Variants in BMP7 observed in about 807,000 individuals in gnomAD.
The protein encoded by BMP7 is bone morphogenetic protein 7, also known as osteogenic protein 1.
A neutral mutation model predicts 41.2 loss-of-function variants in BMP7; 12 were observed. The observed-to-expected ratio is 0.29, with a 90% confidence interval of 0.19 to 0.47. The LOEUF is 0.47. Among genes scored for constraint, BMP7 ranks in the 20% least tolerant of loss-of-function variants. BMP7 has a pLI of 0.99. For missense variants in BMP7, 467 were observed against 606.0 expected (o/e 0.77, Z 2.41); for synonymous variants, 248 against 250.0 (o/e 0.99, Z 0.07).
At chr20:57,220,081 C>T (rs1296027848) in intron 2 of BMP7, among the ~76,000 whole-genome samples, 1 of 152,198 alleles carries the variant, frequency 6.6e-6, no homozygotes, top group Non-Finnish European at 1.5e-5. Flanking sequence ...AATGCAAGAC[C>T]AGGTGTCAGC....
At chr20:57,252,167 T>G (rs982835416) in intron 1 of BMP7, among the ~76,000 whole-genome samples, 2 of 152,210 alleles carry the variant, frequency 1.3e-5, no homozygotes, top group Non-Finnish European at 2.9e-5. Context: ...CAATAAAACT[T>G]TATTTACAGA....
At chr20:57,256,416 C>T (rs562254612) in intron 1 of BMP7, among the ~76,000 whole-genome samples, 9 of 151,696 alleles carry the variant, frequency 5.9e-5, no homozygotes, top group South Asian at 2.1e-4. Context: ...ATTTCCTGGA[C>T]GCTCTCTGGT....
At position 57,169,015 on chromosome 20, in the gene BMP7, AG is replaced by A. The variant is rs1228138094; in HGVS notation, c.*1943del. 1 of 152,182 alleles carries A rather than the reference AG, an allele frequency of 6.6e-6. No individual in the cohort carries two copies. The highest frequency in any genetic ancestry group is 1.5e-5 in the Non-Finnish European group (1 of 68,042). 9.4% of individuals were successfully genotyped at this position (152,182 alleles called of 1,614,324 possible). A position where few individuals can be genotyped will look rare whatever the true frequency, so the allele number is the denominator to read the frequency against. ...TCTTTGCTTTGTAACAACTATTTAC[AG>A]GTTTAAATGTACAAATGATGCTAAC... On this transcript the variant is annotated 3_prime_UTR_variant, in exon 7 of 7. Transcript: ENST00000395863.
Position 57,193,175 on chromosome 20 carries a change from C to T in BMP7, c.761-9256G>A, listed in dbSNP as rs77026047. On this transcript the variant is annotated intron_variant, in intron 3 of 6. Coordinates refer to ENST00000395863, the MANE Select transcript of BMP7 (RefSeq NM_001719.3). ...GTATGCCCATCTGTAAGCACTAGCG[C>T]GTGTACAGACGCCGGTACCCAGCTT... Among the ~76,000 whole-genome samples, 50 of 152,300 alleles carry T rather than the reference C, an allele frequency of 3.3e-4. No homozygotes were observed. In the East Asian group the frequency reaches 9.4e-3, roughly 29 times the overall value.
intron 2 of BMP7, among the ~76,000 whole-genome samples, chr20:57,222,940 T>C (rs913200027): frequency 6.8e-4 from 102 of 150,532 alleles, no homozygotes; most frequent in African/African-American, 2.3e-3. Flanking sequence ...AGACTGACAA[T>C]TGTGGTCTGG....
chr20:57,223,085 C>A (rs1985227640), intron 2 of BMP7, among the ~76,000 whole-genome samples: 1 of 151,970 alleles, frequency 6.6e-6, no homozygotes, highest in Non-Finnish European at 1.5e-5. Context: ...AAAAAATCAG[C>A]CAGGCATGGT....
At position 57,213,013 on chromosome 20, in the gene BMP7, C is replaced by T. The variant is rs774506958; in HGVS notation, c.612-10390G>A. ...TTTTAAAAATACACTTTCTTGAAGA[C>T]GGTGCATATCCAGGAAGGCTAAAAT... is the stretch of plus-strand genomic sequence containing the variant. On this transcript the variant is annotated intron_variant, in intron 2 of 6. Coordinates refer to ENST00000395863, the MANE Select transcript of BMP7 (RefSeq NM_001719.3). This position sits in a 1 kb window ranked among gnomAD's most constrained non-coding sequence, Gnocchi z 4.4. Among the ~76,000 whole-genome samples the T allele has an allele frequency of 2.6e-5, 4 of 152,236 alleles. No homozygotes were observed. Among genetic ancestry groups the T allele is most frequent in the Non-Finnish European group, 5.9e-5 (4 of 68,042 alleles).
chr20:57,265,663 G>A, intron 1 of BMP7, 42 bp downstream of exon 1: 1 of 1,567,816 alleles, frequency 6.4e-7, no homozygotes, highest in Non-Finnish European at 8.6e-7. Flanking sequence ...GTCTCAAAGT[G>A]CCCCCGAAAG....
intron 1 of BMP7, among the ~76,000 whole-genome samples, chr20:57,263,742 A>G (rs2066162475): frequency 6.6e-6 from 1 of 152,158 alleles, no homozygotes; most frequent in Non-Finnish European, 1.5e-5. Flanking sequence ...CTCTGCGTTC[A>G]TTATTTATAT....
At chr20:57,263,190 A>G (rs561702318) in intron 1 of BMP7, among the ~76,000 whole-genome samples, 60 of 152,358 alleles carry the variant, frequency 3.9e-4, no homozygotes, top group Non-Finnish European at 7.8e-4. Flanking sequence ...CCACTCTGCC[A>G]TCTAATTTGG....
chr20:57,244,218 C>T (rs909983609), intron 1 of BMP7, among the ~76,000 whole-genome samples: 1 of 152,156 alleles, frequency 6.6e-6, no homozygotes, highest in Admixed American at 6.5e-5. Context: ...CTAACACATG[C>T]CCAGGTGATG....
At chr20:57,181,481 G>A (rs6099487) in intron 4 of BMP7, among the ~76,000 whole-genome samples, 6,052 of 143,180 alleles carry the variant, frequency 0.042, 401 homozygotes, top group African/African-American at 0.15. Context: ...GGGCAATGGC[G>A]TGAGACCCTG....
chr20:57,265,157 C>A (rs2066170898), intron 1 of BMP7, among the ~76,000 whole-genome samples: 1 of 152,252 alleles, frequency 6.6e-6, no homozygotes, highest in Admixed American at 6.5e-5. Context: ...GAGAATGGGG[C>A]ATCCGGCGGC....
intron 1 of BMP7, among the ~76,000 whole-genome samples, chr20:57,245,950 T>C (rs2066089252): frequency 6.6e-6 from 1 of 152,236 alleles, no homozygotes; most frequent in African/African-American, 2.4e-5. Context: ...GGTTAGTGAT[T>C]TAACAGTATT....
rs1257367220 is a variant in BMP7 at position 57,174,940 on chromosome 20, C to A, written c.1026G>T (p.Leu342=). Residue 342 remains leucine (L), a synonymous_variant, in exon 5 of 7, where the codon CTG becomes CTT. Coordinates refer to ENST00000395863, the MANE Select transcript of BMP7 (RefSeq NM_001719.3). The surrounding 1 kb of genome is among the most constrained non-coding windows in gnomAD (Gnocchi z 4.3). The stretch of plus-strand genomic sequence containing the variant: ...CCAGCCAGCCCCTTACCTGCCAGCC[C>A]AGGTCTCGGAAGCTGACATACAGCT... ...KHELYVSFRD[L]GWQDWIIAPE... The A allele has an allele frequency of 2.5e-6, 4 of 1,611,600 alleles. No individual in the cohort carries two copies. The Admixed American group carries it at 5.0e-5, about 20-fold the overall frequency.
At chr20:57,216,632 G>T (rs954134966) in intron 2 of BMP7, among the ~76,000 whole-genome samples, 1 of 151,270 alleles carries the variant, frequency 6.6e-6, no homozygotes, top group African/African-American at 2.5e-5. Context: ...TCTCCTGAGG[G>T]TGAGGGGGCT....
intron 2 of BMP7, among the ~76,000 whole-genome samples, chr20:57,210,618 G>A (rs563643754): frequency 1.3e-5 from 2 of 152,326 alleles, no homozygotes; most frequent in Admixed American, 6.5e-5. Context: ...AAAACAGAGC[G>A]GAGTTGGGAG....
chr20:57,228,524 C>T lies in BMP7; in HGVS notation c.419-103G>A. 1 of 1,393,244 alleles carries T rather than the reference C, an allele frequency of 7.2e-7. No homozygotes were observed. The allele number at this position is 1,393,244 out of a possible 1,614,324, so 86.3% of individuals were successfully genotyped here. Reference sequence around the variant, plus strand: ...GCATCTTGCCTAAGCTAGATGGAGGCATGCCCATTGCCAGTGACCCCAGTG... The same window carrying T: ...GCATCTTGCCTAAGCTAGATGGAGGTATGCCCATTGCCAGTGACCCCAGTG... On this transcript the variant is annotated intron_variant, in intron 1 of 6. Coordinates refer to ENST00000395863, the MANE Select transcript of BMP7 (RefSeq NM_001719.3). The surrounding 1 kb of genome is among the most constrained non-coding windows in gnomAD (Gnocchi z 4.5).
intron 3 of BMP7, among the ~76,000 whole-genome samples, chr20:57,188,198 C>G (rs1445127614): frequency 6.6e-6 from 1 of 152,000 alleles, no homozygotes; most frequent in South Asian, 2.1e-4. Flanking sequence ...TGGAAACAAC[C>G]CGATGTCCAT....
Sources: gnomAD v4.1 joint callset for allele counts (sites outside exome capture counted in the v4.1 genomes callset) on GRCh38, gnomAD v4.1.1 for gene constraint, Gnocchi (gnomAD v3.1) non-coding constraint, MANE v1.5 for transcripts, NCBI Gene and HGNC (gene_info 2026-07-23, HGNC 2026-07-21) for gene names.